The following FNDC3B variants were observed in gnomAD, a reference collection of about 807,000 sequenced individuals.
FNDC3B encodes fibronectin type III domain containing 3B, also known as fibronectin type III domain-containing protein 3B.
In FNDC3B, 12 loss-of-function variants were observed where a neutral mutation model predicts 151.5. That is an observed-to-expected ratio of 0.08 (90% CI 0.05 to 0.13). The LOEUF is 0.13. FNDC3B is among the 10% of genes least tolerant of loss of function. The pLI, the probability that FNDC3B is intolerant of heterozygous loss-of-function variation, is 1.00. For synonymous variants in FNDC3B, 528 were observed against 549.0 expected (o/e 0.96, Z 0.54); for missense variants, 1,214 against 1,505.3 (o/e 0.81, Z 3.20).
chr3:172,112,508 A>G lies in FNDC3B; in HGVS notation c.29A>G (p.Gln10Arg). The G allele has an allele frequency of 6.2e-7, 1 of 1,614,150 alleles. No individual in the cohort carries two copies. The highest frequency in any genetic ancestry group is 8.5e-7 in the Non-Finnish European group (1 of 1,179,974). MYVTMMMTD[Q>R]IPLELPPLLN... ...TACGTCACAATGATGATGACCGACC[A>G]AATCCCTCTGGAACTGCCACCATTG... Residue 10 changes from glutamine (Q) to arginine (R), a missense_variant, in exon 2 of 26, where the codon CAA becomes CGA. Physicochemically the swap from Gln to Arg is conservative, Grantham distance 43 (BLOSUM62 1). Coordinates refer to ENST00000415807, the MANE Select transcript of FNDC3B (RefSeq NM_022763.4).
intron 2 of FNDC3B, chr3:172,126,985 G>A (rs1720836970): frequency 2.2e-6 from 1 of 456,510 alleles, no homozygotes; most frequent in African/African-American, 2.0e-5. Flanking sequence ...GCAGACACTG[G>A]AATGTGAATG....
intron 23 of FNDC3B, among the ~76,000 whole-genome samples, chr3:172,372,295 G>A (rs1375226587): frequency 1.3e-5 from 2 of 152,178 alleles, no homozygotes; most frequent in Admixed American, 6.5e-5. Context: ...ATGGGCACAG[G>A]CAGCAGGGGA....
intron 23 of FNDC3B, among the ~76,000 whole-genome samples, chr3:172,375,447 G>A (rs1031784260): frequency 6.6e-6 from 1 of 152,024 alleles, no homozygotes; most frequent in Admixed American, 6.6e-5. Flanking sequence ...CCTTATACTT[G>A]TTTCACCCAG....
chr3:172,379,597 G>A (rs1442880061), intron 24 of FNDC3B, among the ~76,000 whole-genome samples: 1 of 152,194 alleles, frequency 6.6e-6, no homozygotes, highest in African/African-American at 2.4e-5. Context: ...GAGTATGAAT[G>A]TGCATACACA....
At chr3:172,223,466 T>C (rs1208998628) in intron 3 of FNDC3B, among the ~76,000 whole-genome samples, 1 of 152,202 alleles carries the variant, frequency 6.6e-6, no homozygotes, top group Non-Finnish European at 1.5e-5. Flanking sequence ...ATCAAGACTG[T>C]GAAGAAAACC....
chr3:172,155,660 G>A (rs1722444185), intron 3 of FNDC3B, among the ~76,000 whole-genome samples: 1 of 152,164 alleles, frequency 6.6e-6, no homozygotes, highest in South Asian at 2.1e-4. Context: ...AGAAGCCTCT[G>A]CCCAGGGCAA....
chr3:172,146,306 A>AG (rs1302097195), intron 3 of FNDC3B, among the ~76,000 whole-genome samples: 16 of 152,304 alleles, frequency 1.1e-4, no homozygotes, highest in African/African-American at 3.6e-4. Context: ...CCCAAGGAAA[A>AG]GGACATGTCT....
rs138558716 is a variant in FNDC3B at position 172,352,954 on chromosome 3, A to G, written c.2666A>G (p.Asn889Ser). The part of the protein sequence containing the change: ...PDSPSACLVL[N>S]WEEPCNNGSE... The stretch of plus-strand genomic sequence containing the variant: ...TCACCTTCTGCGTGCCTTGTACTGA[A>G]CTGGGAAGAGCCGTGCAATAACGGA... The change falls in exon 22 of 26, where the codon AAC becomes AGC. Residue 889 changes from asparagine to serine, a missense_variant. Transcript: ENST00000415807. The surrounding 1 kb of genome is among the most constrained non-coding windows in gnomAD (Gnocchi z 4.2). 2 of 1,614,034 alleles carry G rather than the reference A, an allele frequency of 1.2e-6. No homozygotes were observed. Among genetic ancestry groups the G allele is most frequent in the African/African-American group, 2.7e-5 (2 of 74,904 alleles).
Position 172,378,356 on chromosome 3 carries a change from C to T in FNDC3B, c.3095C>T (p.Ala1032Val). 2 of 1,614,026 alleles carry T rather than the reference C, an allele frequency of 1.2e-6. No homozygotes were observed. The highest frequency in any genetic ancestry group is 1.7e-6 in the Non-Finnish European group (2 of 1,179,938). Residue 1032 changes from alanine to valine, a missense_variant, in exon 24 of 26, where the codon GCA becomes GTA. Coordinates refer to ENST00000415807, the MANE Select transcript of FNDC3B (RefSeq NM_022763.4). ...EFTCYSFRIQ[A>V]ASEAGEGPFS... ...ACATGCTACTCCTTCAGAATCCAGG[C>T]AGCAAGCGAGGCTGGAGAAGGGCCC...
At chr3:172,134,107 C>T (rs1402884920) in intron 3 of FNDC3B, among the ~76,000 whole-genome samples, 1 of 152,160 alleles carries the variant, frequency 6.6e-6, no homozygotes, top group East Asian at 1.9e-4. Flanking sequence ...ATGCCCCGTC[C>T]CAAGATCTCC....
At chr3:172,300,613 C>T (rs1730857378) in intron 9 of FNDC3B, among the ~76,000 whole-genome samples, 1 of 152,110 alleles carries the variant, frequency 6.6e-6, no homozygotes, top group Admixed American at 6.5e-5. Context: ...GGGAGCATGA[C>T]GTGGTTACCA....
intron 4 of FNDC3B, among the ~76,000 whole-genome samples, chr3:172,245,377 C>A (rs1020995187): frequency 3.9e-5 from 6 of 152,206 alleles, no homozygotes; most frequent in African/African-American, 1.4e-4. Context: ...GATTGTAAAC[C>A]TCTAGAAAAC....
intron 3 of FNDC3B, among the ~76,000 whole-genome samples, chr3:172,208,456 TGGAG>T (rs1725543546): frequency 6.6e-6 from 1 of 152,182 alleles, no homozygotes; most frequent in Non-Finnish European, 1.5e-5. Context: ...CGAGAACAAA[TGGAG>T]AAGACCGAAT....
At chr3:172,108,476 C>T (rs1719788035) in intron 1 of FNDC3B, among the ~76,000 whole-genome samples, 1 of 152,234 alleles carries the variant, frequency 6.6e-6, no homozygotes, top group Non-Finnish European at 1.5e-5. Context: ...TGTCGGCTTT[C>T]ATCAGGTAGG....
At chr3:172,310,165 C>T (rs1465689123) in intron 10 of FNDC3B, among the ~76,000 whole-genome samples, 3 of 152,200 alleles carry the variant, frequency 2.0e-5, no homozygotes, top group African/African-American at 7.2e-5. Context: ...GCATTCTTTT[C>T]TCCAGAGTTC....
chr3:172,140,496 A>G (rs946065258), intron 3 of FNDC3B, among the ~76,000 whole-genome samples: 2 of 152,200 alleles, frequency 1.3e-5, no homozygotes, highest in African/African-American at 4.8e-5. Flanking sequence ...GGACTGATGC[A>G]CAGCTATTTG....
Position 172,133,456 on chromosome 3 carries a change from GT to G in FNDC3B, c.112-14del. ...GTTCCAGTATTAAACTGAAATTAAT[GT>G]GTTGTTTTGGCAGGTTATTCTCGTT... On this transcript the variant is annotated splice_polypyrimidine_tract_variant and intron_variant, in intron 2 of 25. Transcript: ENST00000415807. The G allele has an allele frequency of 6.2e-7, 1 of 1,602,826 alleles. No individual in the cohort carries two copies. Among genetic ancestry groups the G allele is most frequent in the Non-Finnish European group, 8.5e-7 (1 of 1,170,862 alleles).
Position 172,310,696 on chromosome 3 carries a change from G to A in FNDC3B, c.1201-132G>A, listed in dbSNP as rs554302091. 5.4e-6 allele frequency: 4 copies of A among 734,928 alleles called. No homozygotes were observed. In the South Asian group the frequency reaches 6.3e-5, roughly 11 times the overall value. The allele number at this position is 734,928 out of a possible 1,614,324, so 45.5% of individuals were successfully genotyped here. Reference sequence around the variant, plus strand: ...TGATGATGATTGACCAAGGAACGCAGGAACCATCAGCTTTATCCCCCTGAG... The same window carrying A: ...TGATGATGATTGACCAAGGAACGCAAGAACCATCAGCTTTATCCCCCTGAG... On this transcript the variant is annotated intron_variant, in intron 10 of 25. Coordinates refer to ENST00000415807, the MANE Select transcript of FNDC3B (RefSeq NM_022763.4).
chr3:172,316,689 C>T (rs1425969146), intron 11 of FNDC3B, among the ~76,000 whole-genome samples: 1 of 152,172 alleles, frequency 6.6e-6, no homozygotes, highest in Admixed American at 6.5e-5. Context: ...CTGCAGCTGT[C>T]AGAACAAATA....
Sources: gnomAD v4.1 joint callset for allele counts (sites outside exome capture counted in the v4.1 genomes callset) on GRCh38, gnomAD v4.1.1 for gene constraint, Gnocchi (gnomAD v3.1) non-coding constraint, MANE v1.5 for transcripts, NCBI Gene and HGNC (gene_info 2026-07-23, HGNC 2026-07-21) for gene names.